The following RIC3 variants were observed in gnomAD, a reference collection of about 807,000 sequenced individuals.
The protein encoded by RIC3 is RIC3 acetylcholine receptor chaperone, also known as protein RIC-3.
Under a neutral mutation model 27.3 loss-of-function variants are expected in RIC3, and 28 were observed. The observed-to-expected ratio is 1.02, with a 90% CI of 0.76 to 1.41. RIC3 has a LOEUF of 1.41. RIC3 is among the 40% of genes most tolerant of loss of function. RIC3 has a pLI of 0.00. For missense variants in RIC3, 501 were observed against 444.7 expected (o/e 1.13, Z -1.14); for synonymous variants, 184 against 160.4 (o/e 1.15, Z -1.11).
At chr11:8,124,108 AAAGCAAGCAAGCAAGC>A (rs201131362) in intron 5 of RIC3, among the ~76,000 whole-genome samples, 1 of 150,616 alleles carries the variant, frequency 6.6e-6, no homozygotes, top group African/African-American at 2.4e-5. Flanking sequence ...AGAAAAAGAG[AAAGCAAGCAAGCAAGC>A]AAGCAAGCAA....
chr11:8,093,940 C>A, the RIC3 span: 1 of 1,358,838 alleles, frequency 7.4e-7, no homozygotes, highest in Non-Finnish European at 1.0e-6. Flanking sequence ...TGGTGGGACT[C>A]GGGGTGCAGT....
At chr11:8,100,781 G>A in the RIC3 span, 11 of 1,607,102 alleles carry the variant, frequency 6.8e-6, no homozygotes, top group Non-Finnish European at 9.4e-6. Flanking sequence ...GGGTGGTCAT[G>A]GTGCCAAAGG....
intron 1 of RIC3, among the ~76,000 whole-genome samples, chr11:8,158,159 T>C (rs1950840462): frequency 6.6e-6 from 1 of 152,178 alleles, no homozygotes; most frequent in Admixed American, 6.5e-5. Context: ...TGTGTATATG[T>C]TTGTATGTGT....
intron 4 of RIC3, among the ~76,000 whole-genome samples, chr11:8,128,976 A>C (rs371144104): frequency 2.0e-5 from 3 of 151,682 alleles, no homozygotes; most frequent in East Asian, 1.9e-4. Flanking sequence ...GGATGGTCTC[A>C]ATCTCCTGAC....
intron 1 of RIC3, among the ~76,000 whole-genome samples, chr11:8,140,737 T>C (rs1028335701): frequency 2.6e-5 from 4 of 152,164 alleles, no homozygotes; most frequent in African/African-American, 4.8e-5. Context: ...ACTTCTATTG[T>C]GTTAGGGTCA....
intron 1 of RIC3, among the ~76,000 whole-genome samples, chr11:8,152,169 G>A (rs184196315): frequency 9.8e-5 from 15 of 152,302 alleles, no homozygotes; most frequent in Admixed American, 8.5e-4. Context: ...TGGTGCAGCT[G>A]CTTTGGAAAA....
chr11:8,116,113 TAAAC>T (rs1162065037), intron 5 of RIC3, among the ~76,000 whole-genome samples: 1 of 151,976 alleles, frequency 6.6e-6, no homozygotes, highest in East Asian at 1.9e-4. Context: ...TCAATTTTTT[TAAAC>T]AAAGATGCCA....
chr11:8,164,916 A>G (rs1385095299), intron 1 of RIC3, among the ~76,000 whole-genome samples: 3 of 152,204 alleles, frequency 2.0e-5, no homozygotes, highest in South Asian at 2.1e-4. Context: ...AAAATGCTCA[A>G]TGTCATTAGT....
rs745930827 is a variant in RIC3, at chr11:8,110,878, G to A, written c.930C>T (p.Asp310=). The A allele has an allele frequency of 1.5e-5, 24 of 1,614,030 alleles. No individual in the cohort carries two copies. The highest frequency in any genetic ancestry group is 1.4e-4 in the South Asian group (13 of 91,072). ...PETCSCCFHE[D]EDPAVLAENA... is the part of the protein sequence containing the mutation. ...TCTCTGCCAAGACAGCAGGATCCTC[G>A]TCTTCATGAAAACAGCAGGAACATG... Residue 310 remains aspartate (D), a synonymous_variant, in exon 6 of 6, where the codon GAC becomes GAT. Coordinates refer to ENST00000309737, the MANE Select transcript of RIC3 (RefSeq NM_001206671.4).
At chr11:8,111,432 G>A (rs1043414478) in intron 5 of RIC3, among the ~76,000 whole-genome samples, 1 of 152,126 alleles carries the variant, frequency 6.6e-6, no homozygotes, top group Non-Finnish European at 1.5e-5. Context: ...TACTGATGAA[G>A]ATTAAACAAA....
At chr11:8,157,883 A>G (rs1410434447) in intron 1 of RIC3, among the ~76,000 whole-genome samples, 2 of 152,192 alleles carry the variant, frequency 1.3e-5, no homozygotes, top group Non-Finnish European at 2.9e-5. Context: ...ATTTACACGC[A>G]TTCATGGGCT....
rs1029598673 is a variant in RIC3 at position 8,110,899 on chromosome 11, A to G, written c.909T>C (p.Cys303=). The change falls in exon 6 of 6, where the codon TGT becomes TGC. Residue 303 remains cysteine, a synonymous_variant. Transcript: ENST00000309737. ...CCTCGTCTTCATGAAAACAGCAGGA[A>G]CATGTTTCTGGCTTTGGATCACACG... is the stretch of plus-strand genomic sequence containing the variant. ...VTSCDPKPET[C]SCCFHEDEDP... is the part of the protein sequence containing the mutation. The G allele has an allele frequency of 1.4e-5, 22 of 1,614,192 alleles. No individual in the cohort carries two copies. Among genetic ancestry groups the G allele is most frequent in the Non-Finnish European group, 1.7e-5 (20 of 1,180,042 alleles).
rs1030510287 is a variant in RIC3, at chr11:8,106,921, A to G, written c.*3777T>C. On this transcript the variant is annotated 3_prime_UTR_variant, in exon 6 of 6. Coordinates refer to ENST00000309737, the MANE Select transcript of RIC3 (RefSeq NM_001206671.4). ...TGGACTTGACAGAGTGGTGACAGGG[A>G]TCATGCTGTCACCAAGCACCTACCA... 6.6e-6 allele frequency: 1 copy of G among 152,214 alleles called. No individual in the cohort carries two copies. The highest frequency in any genetic ancestry group is 2.4e-5 in the African/African-American group (1 of 41,440). 9.4% of individuals were successfully genotyped at this position (152,214 alleles called of 1,614,324 possible).
intron 5 of RIC3, among the ~76,000 whole-genome samples, chr11:8,112,294 CTT>C (rs11376341): frequency 4.0e-5 from 5 of 124,300 alleles, no homozygotes; most frequent in Non-Finnish European, 5.1e-5. Flanking sequence ...CTTTTCTTTT[CTT>C]TTTTTTTTTT....
chr11:8,126,123 T>C (rs1383162535), intron 5 of RIC3, among the ~76,000 whole-genome samples: 2 of 152,134 alleles, frequency 1.3e-5, no homozygotes, highest in Admixed American at 1.3e-4. Context: ...TACAAATATA[T>C]GTTCAAACAA....
In RIC3 at chr11:8,138,343, G is replaced by A. The variant is rs1948642923; in HGVS notation, c.356C>T (p.Ser119Leu). 6.2e-7 allele frequency: 1 copy of A among 1,610,158 alleles called. No individual in the cohort carries two copies. The highest frequency in any genetic ancestry group is 8.5e-7 in the Non-Finnish European group (1 of 1,176,758). Reference protein sequence around the residue: ...LYILYILFKLSKGKTTAEDGK... With the variant: ...LYILYILFKLLKGKTTAEDGK... The stretch of plus-strand genomic sequence containing the variant: ...ATCCTCTGCAGTTGTTTTCCCCTTT[G>A]AGAGCTGAGAATTGAAGGAGGTATA... Residue 119 changes from serine (S) to leucine (L), a missense_variant, in exon 3 of 6, where the codon TCA (serine) becomes TTA (leucine). Coordinates refer to ENST00000309737, the MANE Select transcript of RIC3 (RefSeq NM_001206671.4).
intron 1 of RIC3, among the ~76,000 whole-genome samples, chr11:8,145,152 C>A: frequency 7.3e-6 from 1 of 137,212 alleles, no homozygotes; most frequent in East Asian, 2.1e-4. Context: ...GCACAATGTG[C>A]ACATGTACCC....
intron 5 of RIC3, among the ~76,000 whole-genome samples, chr11:8,119,729 A>T (rs1331642442): frequency 6.6e-6 from 1 of 152,362 alleles, no homozygotes; most frequent in East Asian, 1.9e-4. Flanking sequence ...TCTGCACAGC[A>T]AAAGAAACTA....
intron 3 of RIC3, among the ~76,000 whole-genome samples, chr11:8,137,795 A>G (rs1287268798): frequency 7.0e-6 from 1 of 141,876 alleles, no homozygotes; most frequent in East Asian, 2.0e-4. Context: ...ATTTTTCCTG[A>G]CATACATTCT....
Sources: gnomAD v4.1 joint callset for allele counts (sites outside exome capture counted in the v4.1 genomes callset) on GRCh38, gnomAD v4.1.1 for gene constraint, MANE v1.5 for transcripts, NCBI Gene and HGNC (gene_info 2026-07-23, HGNC 2026-07-21) for gene names.